HCN1: variants seen among roughly 807,000 people sequenced by gnomAD.
The protein encoded by HCN1 is hyperpolarization activated cyclic nucleotide gated potassium channel 1, also known as potassium/sodium hyperpolarization-activated cyclic nucleotide-gated channel 1.
HCN1 carries 13 observed loss-of-function variants against 78.9 expected under a neutral mutation model. The observed-to-expected ratio is 0.16, with a 90% CI of 0.11 to 0.26. The LOEUF is 0.26. Among genes scored for constraint, HCN1 ranks in the 10% least tolerant of loss-of-function variants. The pLI, the probability that HCN1 is intolerant of heterozygous loss-of-function variation, is 1.00. For synonymous variants in HCN1, 552 were observed against 455.5 expected (o/e 1.21, Z -2.70); for missense variants, 810 against 1,154.3 (o/e 0.70, Z 4.32).
chr5:45,473,648 T>C (rs1481424293), intron 2 of HCN1, among the ~76,000 whole-genome samples: 2 of 151,650 alleles, frequency 1.3e-5, no homozygotes, highest in African/African-American at 4.8e-5. Context: ...CCTAGGACTC[T>C]ATGTCTGTTT....
Position 45,615,848 on chromosome 5 carries a change from T to A in HCN1, c.849+29337A>T, listed in dbSNP as rs184938977. ...TCAAGAAATTCTGATTACAAACGAA[T>A]CTTCTATGGTGATGACTTGCAAAAT... is the stretch of plus-strand genomic sequence containing the variant. On this transcript the variant is annotated intron_variant, in intron 2 of 7. Transcript: ENST00000303230. 8.8e-4 allele frequency among the ~76,000 whole-genome samples: 133 copies of A among 151,990 alleles called. 3 individuals are homozygous for A. In the South Asian group the frequency reaches 0.02, roughly 23 times the overall value.
chr5:45,532,733 T>G (rs906121107), intron 2 of HCN1, among the ~76,000 whole-genome samples: 14 of 152,220 alleles, frequency 9.2e-5, no homozygotes, highest in Non-Finnish European at 1.9e-4. Context: ...CCAAAGACAG[T>G]GGTCAGAATC....
intron 2 of HCN1, among the ~76,000 whole-genome samples, chr5:45,639,848 A>G (rs569270282): frequency 6.6e-6 from 1 of 152,224 alleles, no homozygotes; most frequent in African/African-American, 2.4e-5. Context: ...AGCACTCTAA[A>G]ATGTAAATCC....
At chr5:45,374,260 A>G (rs1287107683) in intron 4 of HCN1, among the ~76,000 whole-genome samples, 1 of 119,182 alleles carries the variant, frequency 8.4e-6, no homozygotes, top group Non-Finnish European at 1.7e-5. Context: ...CATTATATAC[A>G]TAACATATAT....
chr5:45,612,498 T>A (rs558610007), intron 2 of HCN1, among the ~76,000 whole-genome samples: 1 of 152,324 alleles, frequency 6.6e-6, no homozygotes, highest in Admixed American at 6.5e-5. Flanking sequence ...AAAAGGTAAC[T>A]ACATACTTTT....
chr5:45,412,415 T>C (rs1740041896), intron 3 of HCN1, among the ~76,000 whole-genome samples: 1 of 152,060 alleles, frequency 6.6e-6, no homozygotes, highest in African/African-American at 2.4e-5. Flanking sequence ...CCAGGTTCTA[T>C]GGATAGTGGA....
intron 4 of HCN1, among the ~76,000 whole-genome samples, chr5:45,386,784 A>T (rs778134778): frequency 1.6e-4 from 25 of 152,162 alleles, no homozygotes; most frequent in Non-Finnish European, 3.7e-4. Flanking sequence ...TTTAATAGAA[A>T]TCTTGAATTC....
At chr5:45,377,397 A>C (rs1747705272) in intron 4 of HCN1, among the ~76,000 whole-genome samples, 1 of 151,988 alleles carries the variant, frequency 6.6e-6, no homozygotes, top group Non-Finnish European at 1.5e-5. Context: ...AATCAAAACA[A>C]ATGTGTTTAT....
intron 5 of HCN1, among the ~76,000 whole-genome samples, chr5:45,315,788 C>T (rs1308382232): frequency 5.3e-5 from 8 of 152,166 alleles, no homozygotes; most frequent in Non-Finnish European, 1.2e-4. Context: ...ATAAACACCT[C>T]TATGCAAATA....
intron 4 of HCN1, among the ~76,000 whole-genome samples, chr5:45,374,251 A>C (rs1747541967): frequency 1.6e-5 from 2 of 125,340 alleles, no homozygotes; most frequent in South Asian, 4.6e-4. Context: ...TATTATGTAC[A>C]TTATATACAT....
chr5:45,556,238 C>G lies in HCN1; in HGVS notation c.849+88947G>C, dbSNP rs187731864. 9.2e-4 allele frequency among the ~76,000 whole-genome samples: 140 copies of G among 151,872 alleles called. No homozygotes were observed. The Middle Eastern group carries it at 0.014, about 15-fold the overall frequency. ...CACATCAAGTTAAACAGCTTTTGAA[C>G]AGCAAAGGAAACAATCAACAAAGTA... On this transcript the variant is annotated intron_variant, in intron 2 of 7. Transcript: ENST00000303230.
chr5:45,269,606 C>T (rs1744923247), intron 6 of HCN1, among the ~76,000 whole-genome samples: 1 of 152,092 alleles, frequency 6.6e-6, no homozygotes, highest in Admixed American at 6.6e-5. Context: ...CTCTAAATAC[C>T]AGAATGAGGA....
Position 45,695,839 on chromosome 5 carries a change from C to A in HCN1, c.255G>T (p.Glu85Asp), listed in dbSNP as rs868228427. Reference sequence around the variant, plus strand: ...TGAAGCCGTACTGCCGCCGGGGCCCCTCGGCGTCTTCGAAGCCCCCCGCCG... The same window carrying A: ...TGAAGCCGTACTGCCGCCGGGGCCCATCGGCGTCTTCGAAGCCCCCCGCCG... ...EEPAGGFEDAEGPRRQYGFMQ... is the reference protein window; with the variant it reads ...EEPAGGFEDADGPRRQYGFMQ... The change falls in exon 1 of 8, where the codon GAG (glutamate) becomes GAT (aspartate). Residue 85 changes from glutamate to aspartate, a missense_variant. Glu to Asp is a conservative substitution (Grantham distance 45). This residue lies in a region of HCN1 where 170 missense variants were observed against 166.8 expected (regional missense o/e 1.02). Coordinates refer to ENST00000303230, the MANE Select transcript of HCN1 (RefSeq NM_021072.4). The A allele has an allele frequency of 3.7e-5, 59 of 1,601,444 alleles. No homozygotes were observed. The highest frequency in any genetic ancestry group is 4.9e-5 in the Non-Finnish European group (58 of 1,177,432).
At chr5:45,579,853 A>G (rs527552779) in intron 2 of HCN1, among the ~76,000 whole-genome samples, 1 of 152,252 alleles carries the variant, frequency 6.6e-6, no homozygotes, top group Non-Finnish European at 1.5e-5. Context: ...GGAATAGATT[A>G]TGTGAGAATT....
chr5:45,360,389 C>A (rs915591228), intron 4 of HCN1, among the ~76,000 whole-genome samples: 2 of 151,882 alleles, frequency 1.3e-5, no homozygotes, highest in African/African-American at 4.8e-5. Flanking sequence ...GGGCTTATGA[C>A]TAATCTATCT....
chr5:45,518,973 A>T (rs145203321), intron 2 of HCN1, among the ~76,000 whole-genome samples: 2 of 151,868 alleles, frequency 1.3e-5, no homozygotes, highest in East Asian at 3.9e-4. Context: ...ATATATATAC[A>T]TAAATATATA....
chr5:45,578,442 C>T (rs1452595743), intron 2 of HCN1, among the ~76,000 whole-genome samples: 2 of 151,792 alleles, frequency 1.3e-5, no homozygotes, highest in Non-Finnish European at 2.9e-5. Flanking sequence ...AAAAAAAATG[C>T]ACCTAGTCAA....
chr5:45,341,067 G>C lies in HCN1; in HGVS notation c.1377+12033C>G, dbSNP rs1746569727. Among the ~76,000 whole-genome samples the C allele has an allele frequency of 4.6e-5, 7 of 152,004 alleles. No individual in the cohort carries two copies. In the South Asian group the frequency reaches 1.5e-3, roughly 32 times the overall value. On this transcript the variant is annotated intron_variant, in intron 5 of 7. Transcript: ENST00000303230. ...ATCCTTCATTCTATCTTATCTTTCT[G>C]TCTTTTTATTTGATCTTTATTCCTG...
intron 2 of HCN1, among the ~76,000 whole-genome samples, chr5:45,479,143 A>C (rs140895097): frequency 2.0e-5 from 3 of 151,894 alleles, no homozygotes; most frequent in Admixed American, 6.6e-5. Flanking sequence ...AAAAAAAAGA[A>C]TGAGTTGAAG....
Sources: gnomAD v4.1 joint callset for allele counts (sites outside exome capture counted in the v4.1 genomes callset) on GRCh38, gnomAD v4.1.1 for gene constraint, gnomAD v4.1.1 regional missense constraint, MANE v1.5 for transcripts, NCBI Gene and HGNC (gene_info 2026-07-23, HGNC 2026-07-21) for gene names.